Variants in MYOM2 observed in about 807,000 individuals in gnomAD.
The protein encoded by MYOM2 is myomesin 2.
Under a neutral mutation model 187.6 loss-of-function variants are expected in MYOM2, and 254 were observed. The ratio of observed to expected loss-of-function variants is 1.35; its 90% confidence interval spans 1.22 to 1.50. The LOEUF (loss-of-function observed/expected upper bound fraction) is 1.50, where lower values mean the gene tolerates loss of function less well. Ranked by LOEUF, MYOM2 falls within the 40% of genes most tolerant of loss-of-function variation. MYOM2 has a pLI of 0.00. For missense variants in MYOM2, 2,796 were observed against 1,924.0 expected (o/e 1.45, Z -8.48); for synonymous variants, 981 against 753.8 (o/e 1.30, Z -4.94).
intron 32 of MYOM2, 82 bp from the exon 33 acceptor site, chr8:2,140,641 A>G: frequency 7.1e-6 from 10 of 1,417,848 alleles, no homozygotes; most frequent in Non-Finnish European, 9.6e-6. Context: ...AGGCTGTCAC[A>G]GCAACGGGAC....
At chr8:2,083,638 C>G (rs932295301) in intron 13 of MYOM2, among the ~76,000 whole-genome samples, 4 of 152,176 alleles carry the variant, frequency 2.6e-5, no homozygotes, top group African/African-American at 9.7e-5. Flanking sequence ...CCCTCGGCTC[C>G]CCTCTCAGGG....
At chr8:2,134,733 C>G (rs1798007444) in intron 32 of MYOM2, among the ~76,000 whole-genome samples, 1 of 152,184 alleles carries the variant, frequency 6.6e-6, no homozygotes, top group Admixed American at 6.5e-5. Flanking sequence ...CCAGCTCTGG[C>G]CCTTGGGAGC....
intron 6 of MYOM2, among the ~76,000 whole-genome samples, chr8:2,059,867 C>T (rs1818794774): frequency 6.6e-6 from 1 of 151,912 alleles, no homozygotes; most frequent in Non-Finnish European, 1.5e-5. Flanking sequence ...CTCAGCCTCC[C>T]CAGTAGTGGG....
At position 2,096,369 on chromosome 8, in the gene MYOM2, C is replaced by A; in HGVS notation, c.2248C>A (p.Arg750Ser). 1 of 1,614,212 alleles carries A rather than the reference C, an allele frequency of 6.2e-7. No homozygotes were observed. The highest frequency in any genetic ancestry group is 1.1e-5 in the South Asian group (1 of 91,084). The part of the protein sequence containing the change: ...SPILGYYLDK[R>S]EVHHKNWHEV... ...CATCCTGGGCTACTACCTGGACAAGCGTGAAGTTCACCATAAAAACTGGCA... is the reference window on the plus strand; with the variant it reads ...CATCCTGGGCTACTACCTGGACAAGAGTGAAGTTCACCATAAAAACTGGCA... Residue 750 changes from arginine (R) to serine (S), a missense_variant, in exon 18 of 37, where the codon CGT becomes AGT. By Grantham distance (110) the Arg-to-Ser change is moderately radical (BLOSUM62 -1). Transcript: ENST00000262113.
At chr8:2,098,815 C>T in intron 18 of MYOM2, 42 bp from the exon 19 acceptor site, 1 of 1,571,542 alleles carries the variant, frequency 6.4e-7, no homozygotes, top group East Asian at 2.3e-5. Context: ...GGCTGTAAGG[C>T]ATCCTTTATC....
rs181737326 is a variant in MYOM2 at position 2,105,241 on chromosome 8, C to T, written c.2735-1001C>T. ...AGACTGTAAAGATCCTGATGGCTGTCTGTGGTGGCCTCTTCATCTCACCCT... is the reference window on the plus strand; with the variant it reads ...AGACTGTAAAGATCCTGATGGCTGTTTGTGGTGGCCTCTTCATCTCACCCT... On this transcript the variant is annotated intron_variant, in intron 21 of 36. Transcript: ENST00000262113. 5.2e-4 allele frequency among the ~76,000 whole-genome samples: 79 copies of T among 152,288 alleles called. 1 individual carries two copies. In the East Asian group the frequency reaches 0.014, roughly 28 times the overall value.
chr8:2,129,032 A>C, intron 31 of MYOM2, 95 bp from the exon 32 acceptor site: 1 of 764,276 alleles, frequency 1.3e-6, no homozygotes, highest in Non-Finnish European at 2.3e-6. Context: ...ACAGGATTGC[A>C]GGTGGGGACA....
chr8:2,139,230 T>A (rs1034773165), intron 32 of MYOM2, among the ~76,000 whole-genome samples: 3 of 152,198 alleles, frequency 2.0e-5, no homozygotes, highest in Admixed American at 1.3e-4. Context: ...AGCCTTGACC[T>A]CCTCGGGCTC....
At chr8:2,129,328 C>G (rs899476253) in intron 32 of MYOM2, 96 bp downstream of exon 32, 6 of 706,134 alleles carry the variant, frequency 8.5e-6, no homozygotes, top group African/African-American at 1.8e-5. Flanking sequence ...CATCAAGGCA[C>G]TGCCATTTCC....
At chr8:2,110,195 C>T (rs1365566436) in intron 25 of MYOM2, among the ~76,000 whole-genome samples, 2 of 152,150 alleles carry the variant, frequency 1.3e-5, no homozygotes, top group Admixed American at 6.5e-5. Context: ...TGGTGATGCT[C>T]ACCTGTAGTT....
At chr8:2,080,282 C>T (rs925876425) in intron 13 of MYOM2, among the ~76,000 whole-genome samples, 3 of 152,206 alleles carry the variant, frequency 2.0e-5, no homozygotes, top group Admixed American at 2.0e-4. Flanking sequence ...TGATTTTGAG[C>T]TGCTCGCTAA....
intron 16 of MYOM2, among the ~76,000 whole-genome samples, chr8:2,093,395 C>T (rs1224819962): frequency 1.3e-5 from 2 of 152,220 alleles, no homozygotes; most frequent in African/African-American, 4.8e-5. Context: ...GAATATCTAT[C>T]ATACACAAAG....
Position 2,086,339 on chromosome 8 carries a change from TGTTGTGATCTCTGCGTGGCC to T in MYOM2, c.1644+950_1644+969del, listed in dbSNP as rs1796048294. ...TCGTGATCTCTGCGTGGCCCCCCAC[TGTTGTGATCTCTGCGTGGCC>T]TCCCACTGTTGTGATCTCTGCGTGG... On this transcript the variant is annotated intron_variant, in intron 14 of 36. Transcript: ENST00000262113. Among the ~76,000 whole-genome samples, 14 of 56,480 alleles carry T rather than the reference TGTTGTGATCTCTGCGTGGCC, an allele frequency of 2.5e-4. 3 individuals are homozygous for T. Among genetic ancestry groups the T allele is most frequent in the Admixed American group, 6.1e-4 (3 of 4,912 alleles). 37.1% of individuals were successfully genotyped at this position (56,480 alleles called of 152,430 possible). A position where few individuals can be genotyped will look rare whatever the true frequency, so the allele number is the denominator to read the frequency against.
chr8:2,114,794 A>AT (rs60026319), intron 25 of MYOM2, among the ~76,000 whole-genome samples: 126 of 151,848 alleles, frequency 8.3e-4, no homozygotes, highest in African/African-American at 2.8e-3. Context: ...TTTTCTTTTT[A>AT]TTTTTTTGAG....
Position 2,069,213 on chromosome 8 carries a change from C to G in MYOM2, c.654-65C>G. 4 of 1,476,134 alleles carry G rather than the reference C, an allele frequency of 2.7e-6. No individual in the cohort carries two copies. In the East Asian group the frequency reaches 9.2e-5, roughly 34 times the overall value. 91.4% of individuals were successfully genotyped at this position (1,476,134 alleles called of 1,614,324 possible). ...TTTGCTTTCGAGGAATGCTTTTGTG[C>G]AATTCGGGTCACTGACTTTTACACA... On this transcript the variant is annotated intron_variant, in intron 6 of 36. Transcript: ENST00000262113.
At chr8:2,123,190 A>T in intron 28 of MYOM2, 62 bp from the exon 29 acceptor site, 3 of 1,122,882 alleles carry the variant, frequency 2.7e-6, no homozygotes, top group Non-Finnish European at 3.9e-6. Context: ...ATTCTAATAG[A>T]CTTTCTTTTT....
chr8:2,055,579 C>T (rs1324836917), intron 3 of MYOM2, among the ~76,000 whole-genome samples: 1 of 152,168 alleles, frequency 6.6e-6, no homozygotes, highest in African/African-American at 2.4e-5. Context: ...ACATTCCTTT[C>T]ATGGTTAGAT....
chr8:2,103,636 G>A (rs60097570), intron 21 of MYOM2, among the ~76,000 whole-genome samples: 42,664 of 149,678 alleles, frequency 0.29, 6,098 homozygotes, highest in East Asian at 0.41. Context: ...ATGAGTGGGA[G>A]AGCGTGCATG....
At chr8:2,071,838 C>G (rs971431109) in intron 8 of MYOM2, among the ~76,000 whole-genome samples, 1 of 152,172 alleles carries the variant, frequency 6.6e-6, no homozygotes, top group South Asian at 2.1e-4. Flanking sequence ...GGCACCTGCT[C>G]ACGGTGTCCT....
Sources: allele counts gnomAD v4.1 joint callset (sites outside exome capture counted in the v4.1 genomes callset), GRCh38; gene constraint gnomAD v4.1.1; transcripts MANE v1.5; gene names NCBI Gene and HGNC (gene_info 2026-07-23, HGNC 2026-07-21).